Variants in PDE1C observed in about 807,000 individuals in gnomAD.
PDE1C encodes the protein dual specificity calcium/calmodulin-dependent 3',5'-cyclic nucleotide phosphodiesterase 1C.
A neutral mutation model predicts 93.1 loss-of-function variants in PDE1C; 62 were observed. The observed-to-expected ratio is 0.67, with a 90% CI of 0.54 to 0.82. The LOEUF (loss-of-function observed/expected upper bound fraction) is 0.82. Ranked by LOEUF, PDE1C falls within the 40% of genes least tolerant of loss-of-function variation. The pLI, the probability that PDE1C is intolerant of heterozygous loss-of-function variation, is 0.00. For missense variants in PDE1C, 742 were observed against 884.6 expected (o/e 0.84, Z 2.04); for synonymous variants, 325 against 310.1 (o/e 1.05, Z -0.50).
At chr7:32,150,394 C>G (rs575023091) in intron 3 of PDE1C, among the ~76,000 whole-genome samples, 137 of 152,274 alleles carry the variant, frequency 9.0e-4, no homozygotes, top group African/African-American at 3.2e-3. Context: ...CTCCTGGGCT[C>G]CCCTCTGGCC....
chr7:31,689,711 A>C, the PDE1C span, among the ~76,000 whole-genome samples: 6 of 152,114 alleles, frequency 3.9e-5, no homozygotes, highest in Non-Finnish European at 5.9e-5. Flanking sequence ...ACTAAACTCC[A>C]AATGTCTTTC....
At chr7:32,048,102 C>G (rs2128678436) in intron 2 of PDE1C, among the ~76,000 whole-genome samples, 1 of 152,266 alleles carries the variant, frequency 6.6e-6, no homozygotes, top group East Asian at 1.9e-4. Flanking sequence ...TTAAAATTGT[C>G]TACCATTCAT....
intron 2 of PDE1C, among the ~76,000 whole-genome samples, chr7:31,986,695 A>G (rs1783436414): frequency 6.6e-6 from 1 of 152,088 alleles, no homozygotes. Flanking sequence ...AGGAGCCACC[A>G]GATGCTGGGA....
chr7:31,905,740 GT>G (rs1446153184), intron 2 of PDE1C, among the ~76,000 whole-genome samples: 1 of 152,154 alleles, frequency 6.6e-6, no homozygotes, highest in African/African-American at 2.4e-5. Context: ...AGGTTTGGCT[GT>G]GTCCCTACCC....
chr7:32,250,749 A>G (rs1809314617), intron 1 of PDE1C, among the ~76,000 whole-genome samples: 1 of 152,206 alleles, frequency 6.6e-6, no homozygotes, highest in African/African-American at 2.4e-5. Flanking sequence ...GGGCAGAGTA[A>G]AGCCTTTCAA....
intron 2 of PDE1C, among the ~76,000 whole-genome samples, chr7:31,950,424 A>T (rs1016851092): frequency 2.0e-5 from 3 of 152,200 alleles, no homozygotes; most frequent in African/African-American, 4.8e-5. Context: ...AAACTGAAGC[A>T]TACATACTCT....
chr7:32,097,566 A>G (rs192207028), intron 3 of PDE1C, among the ~76,000 whole-genome samples: 35 of 152,354 alleles, frequency 2.3e-4, no homozygotes, highest in African/African-American at 7.0e-4. Context: ...CGATACTTGG[A>G]GAACTATAAA....
intron 16 of PDE1C, among the ~76,000 whole-genome samples, chr7:31,807,062 T>C (rs1786932518): frequency 6.6e-6 from 1 of 151,844 alleles, no homozygotes; most frequent in African/African-American, 2.4e-5. Context: ...CTGTTAAAGG[T>C]TTTGGACTAA....
intron 1 of PDE1C, among the ~76,000 whole-genome samples, chr7:32,343,433 T>C (rs935865217): frequency 2.0e-5 from 3 of 152,208 alleles, no homozygotes; most frequent in African/African-American, 7.2e-5. Flanking sequence ...TGGTGGGCTG[T>C]GGATACAAAA....
At chr7:31,862,785 T>C (rs1794835323) in intron 7 of PDE1C, among the ~76,000 whole-genome samples, 1 of 152,184 alleles carries the variant, frequency 6.6e-6, no homozygotes, top group Admixed American at 6.5e-5. Flanking sequence ...ACCCAGCATA[T>C]AAGTTCTCAA....
At chr7:31,640,481 T>C in the PDE1C span, among the ~76,000 whole-genome samples, 39 of 152,310 alleles carry the variant, frequency 2.6e-4, no homozygotes, top group Middle Eastern at 3.4e-3. Flanking sequence ...TTTCCTCAGC[T>C]TCAAGTGTCT....
At chr7:31,964,818 G>C (rs560047936) in intron 2 of PDE1C, among the ~76,000 whole-genome samples, 5 of 152,312 alleles carry the variant, frequency 3.3e-5, no homozygotes, top group African/African-American at 1.2e-4. Context: ...CTGTTCCGCA[G>C]CCACCGTTGC....
At chr7:31,970,853 A>T (rs1810852530) in intron 2 of PDE1C, among the ~76,000 whole-genome samples, 1 of 152,226 alleles carries the variant, frequency 6.6e-6, no homozygotes, top group African/African-American at 2.4e-5. Flanking sequence ...GAGAGATGAC[A>T]GAAAGAGTGT....
At chr7:32,365,411 G>C (rs1244923805) in intron 1 of PDE1C, among the ~76,000 whole-genome samples, 2 of 152,138 alleles carry the variant, frequency 1.3e-5, no homozygotes, top group East Asian at 1.9e-4. Context: ...GTCCCCAGCA[G>C]ACATACCCTC....
chr7:31,725,199 G>C, the PDE1C span, among the ~76,000 whole-genome samples: 5 of 152,070 alleles, frequency 3.3e-5, no homozygotes, highest in Middle Eastern at 3.2e-3. Context: ...GACCACAGGG[G>C]TCTCTGTGGC....
chr7:31,701,160 T>C, the PDE1C span, among the ~76,000 whole-genome samples: 42 of 152,326 alleles, frequency 2.8e-4, no homozygotes, highest in South Asian at 6.8e-3. Context: ...GAAAACCTTC[T>C]GGAAACAATT....
At chr7:32,389,157 C>CATGTGTGTGTGT (rs5883344) in intron 1 of PDE1C, among the ~76,000 whole-genome samples, 1 of 135,698 alleles carries the variant, frequency 7.4e-6, no homozygotes, top group Non-Finnish European at 1.6e-5. Context: ...TGATAGCTGA[C>CATGTGTGTGTGT]GTGTGTGTGT....
intron 3 of PDE1C, among the ~76,000 whole-genome samples, chr7:32,137,867 G>GT (rs1361115882): frequency 1.3e-5 from 2 of 152,178 alleles, no homozygotes; most frequent in Non-Finnish European, 2.9e-5. Context: ...CTTATAGTAA[G>GT]TAAGAGGTTT....
intron 1 of PDE1C, among the ~76,000 whole-genome samples, chr7:32,248,047 G>A (rs991604962): frequency 1.3e-5 from 2 of 152,182 alleles, no homozygotes; most frequent in East Asian, 1.9e-4. Context: ...TACTATGTGG[G>A]CAGGAGCACA....
Sources: allele counts gnomAD v4.1 joint callset (sites outside exome capture counted in the v4.1 genomes callset), GRCh38; gene constraint gnomAD v4.1.1; transcripts MANE v1.5; gene names NCBI Gene and HGNC (gene_info 2026-07-23, HGNC 2026-07-21).